The following COP1 variants were observed in gnomAD, a reference collection of about 807,000 sequenced individuals.
The protein encoded by COP1 is E3 ubiquitin-protein ligase COP1.
In COP1, 24 loss-of-function variants were observed where a neutral mutation model predicts 101.3. The ratio of observed to expected loss-of-function variants is 0.24; its 90% CI spans 0.17 to 0.33. The LOEUF is 0.33. COP1 is among the 10% of genes least tolerant of loss of function. The pLI is 1.00. For missense variants in COP1, 663 were observed against 906.2 expected (o/e 0.73, Z 3.45); for synonymous variants, 347 against 341.9 (o/e 1.01, Z -0.17).
chr1:176,142,700 A>AT (rs1218669965), intron 6 of COP1, among the ~76,000 whole-genome samples: 2 of 152,118 alleles, frequency 1.3e-5, no homozygotes, highest in Non-Finnish European at 2.9e-5. Context: ...CAATGCAATT[A>AT]TAACAGAAAT....
intron 6 of COP1, among the ~76,000 whole-genome samples, chr1:176,145,488 A>G (rs757501113): frequency 3.5e-4 from 53 of 152,194 alleles, no homozygotes; most frequent in Non-Finnish European, 6.8e-4. Flanking sequence ...CCTATGACTC[A>G]TCAATTCCAC....
chr1:176,150,961 TA>T (rs1692333962), intron 5 of COP1, among the ~76,000 whole-genome samples: 1 of 151,914 alleles, frequency 6.6e-6, no homozygotes, highest in Non-Finnish European at 1.5e-5. Context: ...AGGAAAATTA[TA>T]AAAAAGAGAT....
intron 6 of COP1, among the ~76,000 whole-genome samples, chr1:176,146,971 A>C (rs1382068076): frequency 6.6e-6 from 1 of 152,210 alleles, no homozygotes; most frequent in African/African-American, 2.4e-5. Flanking sequence ...TCTTAACATT[A>C]AATCCAAAAA....
chr1:176,084,850 C>CA (rs1679836877), intron 10 of COP1, among the ~76,000 whole-genome samples: 1 of 149,696 alleles, frequency 6.7e-6, no homozygotes, highest in Admixed American at 6.7e-5. Flanking sequence ...AAATACCAGA[C>CA]TTTTTTTTTT....
rs370286964 is a variant in COP1 at position 176,184,696 on chromosome 1, A to G, written c.408-4T>C. 1 of 1,595,832 alleles carries G rather than the reference A, an allele frequency of 6.3e-7. No homozygotes were observed. The highest frequency in any genetic ancestry group is 1.1e-5 in the South Asian group (1 of 87,410). On this transcript the variant is annotated splice_region_variant and splice_polypyrimidine_tract_variant and intron_variant, in intron 1 of 19. Coordinates refer to ENST00000367669, the MANE Select transcript of COP1 (RefSeq NM_022457.7). Reference sequence around the variant, plus strand: ...AATCATATCAAAGCAGATGGGGCTAAAAAGAAAAGAAAAATAATTGATTTT... The same window carrying G: ...AATCATATCAAAGCAGATGGGGCTAGAAAGAAAAGAAAAATAATTGATTTT...
intron 6 of COP1, among the ~76,000 whole-genome samples, chr1:176,148,175 A>G (rs530355907): frequency 1.3e-5 from 2 of 152,280 alleles, no homozygotes; most frequent in African/African-American, 4.8e-5. Context: ...ACAGTTGAGA[A>G]TAAGAAAAAT....
intron 9 of COP1, among the ~76,000 whole-genome samples, chr1:176,089,817 C>T (rs1448604749): frequency 2.6e-5 from 4 of 152,146 alleles, no homozygotes; most frequent in Non-Finnish European, 4.4e-5. Context: ...AATAATGTCA[C>T]GACAAATAAA....
At chr1:176,166,649 A>G (rs12039741) in intron 3 of COP1, among the ~76,000 whole-genome samples, 49,375 of 152,104 alleles carry the variant, frequency 0.32, 8,584 homozygotes, top group Admixed American at 0.4. Context: ...GAAAAACGAT[A>G]TCCTAGGCTG....
chr1:176,156,011 A>C (rs189917018), intron 5 of COP1, among the ~76,000 whole-genome samples: 137 of 152,144 alleles, frequency 9.0e-4, no homozygotes, highest in Non-Finnish European at 1.8e-3. Flanking sequence ...TTGGGTAAAT[A>C]AAAAAAGGGT....
At chr1:176,089,777 T>C (rs1229137689) in intron 9 of COP1, among the ~76,000 whole-genome samples, 2 of 152,226 alleles carry the variant, frequency 1.3e-5, no homozygotes, top group African/African-American at 2.4e-5. Context: ...TAACCCTATA[T>C]AATCTCTCTT....
chr1:176,128,981 T>C (rs1471322913), intron 8 of COP1, among the ~76,000 whole-genome samples: 1 of 151,902 alleles, frequency 6.6e-6, no homozygotes, highest in South Asian at 2.1e-4. Flanking sequence ...CTGTCCTCCA[T>C]ATCCCTCCCA....
intron 6 of COP1, among the ~76,000 whole-genome samples, chr1:176,147,967 T>C (rs953339314): frequency 4.6e-5 from 7 of 152,124 alleles, no homozygotes; most frequent in Non-Finnish European, 1.0e-4. Flanking sequence ...TGGCGCGATC[T>C]CGGCTCACCA....
At chr1:176,115,957 C>T (rs1052990586) in intron 9 of COP1, among the ~76,000 whole-genome samples, 11 of 152,030 alleles carry the variant, frequency 7.2e-5, no homozygotes, top group African/African-American at 2.4e-4. Flanking sequence ...TAAGTTTCAA[C>T]GTAATGAAGC....
chr1:176,070,277 G>GC (rs1467716560), intron 11 of COP1, among the ~76,000 whole-genome samples: 3 of 150,144 alleles, frequency 2.0e-5, no homozygotes, highest in African/African-American at 4.9e-5. Context: ...CTTCTGCCTT[G>GC]CCCCACAGAC....
chr1:176,139,576 A>C (rs975128481), intron 6 of COP1, among the ~76,000 whole-genome samples: 4 of 152,188 alleles, frequency 2.6e-5, no homozygotes, highest in African/African-American at 2.4e-5. Flanking sequence ...ATTGCCCATC[A>C]ACGGTGGACT....
At chr1:176,189,276 G>A (rs1389950296) in intron 1 of COP1, among the ~76,000 whole-genome samples, 1 of 151,848 alleles carries the variant, frequency 6.6e-6, no homozygotes, top group Non-Finnish European at 1.5e-5. Context: ...TATTGTTACT[G>A]CATTTATTTC....
intron 2 of COP1, among the ~76,000 whole-genome samples, 153 bp downstream of exon 2, chr1:176,184,479 CT>C (rs1197439983): frequency 6.6e-6 from 1 of 152,058 alleles, no homozygotes; most frequent in Non-Finnish European, 1.5e-5. Flanking sequence ...TGTTAACAGC[CT>C]TAAACTGCCA....
At chr1:176,130,871 A>C (rs972190590) in intron 8 of COP1, among the ~76,000 whole-genome samples, 4 of 151,858 alleles carry the variant, frequency 2.6e-5, no homozygotes, top group African/African-American at 9.7e-5. Context: ...AATCAAAATA[A>C]GTAGAAATCT....
At chr1:176,098,470 A>AAAAC (rs535334334) in intron 9 of COP1, among the ~76,000 whole-genome samples, 1 of 152,228 alleles carries the variant, frequency 6.6e-6, no homozygotes, top group Non-Finnish European at 1.5e-5. Context: ...TCCATCTCAA[A>AAAAC]AAACAAACAA....
Sources: allele counts gnomAD v4.1 joint callset (sites outside exome capture counted in the v4.1 genomes callset), GRCh38; gene constraint gnomAD v4.1.1; transcripts MANE v1.5; gene names NCBI Gene and HGNC (gene_info 2026-07-23, HGNC 2026-07-21).